Variants in EPHA5 observed in about 807,000 individuals in gnomAD.
EPHA5 encodes EPH receptor A5.
In EPHA5, 60 loss-of-function variants were observed where a neutral mutation model predicts 105.0. The observed-to-expected ratio is 0.57, with a 90% CI of 0.46 to 0.71. The LOEUF is 0.71. Among genes scored for constraint, EPHA5 ranks in the 30% least tolerant of loss-of-function variants. The pLI is 0.00. For synonymous variants in EPHA5, 513 were observed against 449.1 expected (o/e 1.14, Z -1.80); for missense variants, 1,218 against 1,274.7 (o/e 0.96, Z 0.68).
At chr4:65,489,873 G>T (rs1189447292) in intron 5 of EPHA5, among the ~76,000 whole-genome samples, 1 of 152,028 alleles carries the variant, frequency 6.6e-6, no homozygotes, top group African/African-American at 2.4e-5. Context: ...ACTTAGCAAA[G>T]AAAATTTCAT....
At chr4:65,367,262 T>G in intron 9 of EPHA5, 95 bp downstream of exon 9, 2 of 983,520 alleles carry the variant, frequency 2.0e-6, no homozygotes, top group Non-Finnish European at 3.0e-6. Flanking sequence ...AATATTTTGG[T>G]CAGTTATTAT....
intron 3 of EPHA5, among the ~76,000 whole-genome samples, chr4:65,535,746 A>T (rs903822016): frequency 2.6e-5 from 4 of 152,034 alleles, no homozygotes; most frequent in African/African-American, 9.7e-5. Context: ...CATTATATAC[A>T]AGAGAGAATA....
intron 4 of EPHA5, among the ~76,000 whole-genome samples, chr4:65,492,361 C>G (rs1459448630): frequency 6.6e-6 from 1 of 151,810 alleles, no homozygotes; most frequent in African/African-American, 2.4e-5. Flanking sequence ...ACCACCACAC[C>G]TGGCTAATTT....
In EPHA5 at chr4:65,495,501, C is replaced by G; in HGVS notation, c.953G>C (p.Ser318Thr). 1 of 1,613,870 alleles carries G rather than the reference C, an allele frequency of 6.2e-7. No homozygotes were observed. Among genetic ancestry groups the G allele is most frequent in the Non-Finnish European group, 8.5e-7 (1 of 1,179,840 alleles). Residue 318 changes from serine (S) to threonine (T), a missense_variant, in exon 4 of 17, where the codon AGC becomes ACC. Around this residue, in one of 3 missense-constraint regions of EPHA5, gnomAD observed 971 missense variants for 1,013.5 expected, o/e 0.96. Transcript: ENST00000613740. ...ACTGTGAGGTGGACATTTGCCGCAG[C>G]TCTGGATGTGAGGTGAGGCTTTGAA... ...GFFKASPHIQSCGKCPPHSYT... is the reference protein window; with the variant it reads ...GFFKASPHIQTCGKCPPHSYT...
intron 3 of EPHA5, among the ~76,000 whole-genome samples, chr4:65,567,231 C>T (rs1235716812): frequency 6.6e-6 from 1 of 151,616 alleles, no homozygotes; most frequent in Non-Finnish European, 1.5e-5. Context: ...AGTCAGCAAA[C>T]TTGGTAGATA....
At chr4:65,348,327 G>A (rs1022507917) in intron 13 of EPHA5, 124 bp from the exon 14 acceptor site, 18 of 791,408 alleles carry the variant, frequency 2.3e-5, no homozygotes, top group Middle Eastern at 2.5e-4. Context: ...TTGACAGCGC[G>A]CAGTGTCTTT....
chr4:65,666,377 C>T (rs2149561441), intron 1 of EPHA5, among the ~76,000 whole-genome samples: 1 of 152,202 alleles, frequency 6.6e-6, no homozygotes, highest in African/African-American at 2.4e-5. Context: ...AGTAATTGGC[C>T]AAGAATCCCT....
intron 3 of EPHA5, among the ~76,000 whole-genome samples, chr4:65,572,850 G>A (rs1740341991): frequency 6.6e-6 from 1 of 151,532 alleles, no homozygotes; most frequent in Non-Finnish European, 1.5e-5. Context: ...GGCCAACATA[G>A]CGAAACCCCG....
intron 3 of EPHA5, among the ~76,000 whole-genome samples, chr4:65,581,056 T>C (rs1741570510): frequency 6.6e-6 from 1 of 151,828 alleles, no homozygotes; most frequent in African/African-American, 2.4e-5. Flanking sequence ...AGAAACCTAA[T>C]TACTATCTTC....
Position 65,343,701 on chromosome 4 carries a change from A to G in EPHA5, c.2595+4353T>C, listed in dbSNP as rs189054902. 4.3e-3 allele frequency among the ~76,000 whole-genome samples: 656 copies of G among 152,324 alleles called. 7 individuals are homozygous for G. The highest frequency in any genetic ancestry group is 0.015 in the African/African-American group (631 of 41,578). ...AAATTTAATGCTGTATCTGAAAACT[A>G]AAATGCCACTTATGAACTAATTGAG... On this transcript the variant is annotated intron_variant, in intron 14 of 16. Transcript: ENST00000613740.
At chr4:65,488,497 A>G (rs2149207072) in intron 5 of EPHA5, among the ~76,000 whole-genome samples, 1 of 152,334 alleles carries the variant, frequency 6.6e-6, no homozygotes, top group African/African-American at 2.4e-5. Context: ...GTTCACATTT[A>G]CCGAACACTC....
At chr4:65,634,152 T>C (rs1746898582) in intron 2 of EPHA5, among the ~76,000 whole-genome samples, 1 of 152,040 alleles carries the variant, frequency 6.6e-6, no homozygotes, top group East Asian at 1.9e-4. Context: ...TAAGATGATA[T>C]TATGGATAAA....
chr4:65,457,462 T>C (rs1727708598), intron 5 of EPHA5, among the ~76,000 whole-genome samples: 1 of 152,154 alleles, frequency 6.6e-6, no homozygotes, highest in Non-Finnish European at 1.5e-5. Flanking sequence ...TAATTCCTTT[T>C]CCCCTATTCT....
intron 5 of EPHA5, among the ~76,000 whole-genome samples, chr4:65,484,573 C>G (rs1281747154): frequency 6.6e-6 from 1 of 152,076 alleles, no homozygotes; most frequent in African/African-American, 2.4e-5. Context: ...AGAGTCTGAG[C>G]CTACATTCAA....
At chr4:65,476,121 A>T (rs771292185) in intron 5 of EPHA5, among the ~76,000 whole-genome samples, 12,925 of 131,972 alleles carry the variant, frequency 0.098, 641 homozygotes, top group East Asian at 0.18. Flanking sequence ...AGAGAGAGAG[A>T]GAGAGAGTGT....
chr4:65,587,206 G>C (rs1489490420), intron 3 of EPHA5, among the ~76,000 whole-genome samples: 2 of 151,956 alleles, frequency 1.3e-5, no homozygotes, highest in Non-Finnish European at 2.9e-5. Flanking sequence ...CTTCTTTACT[G>C]TGGAAATGAA....
chr4:65,326,752 A>G (rs1223576911), intron 16 of EPHA5, among the ~76,000 whole-genome samples: 1 of 151,342 alleles, frequency 6.6e-6, no homozygotes, highest in Admixed American at 6.6e-5. Context: ...AGAAATACTG[A>G]TGAATCCAGA....
At chr4:65,572,586 AG>A (rs1740304374) in intron 3 of EPHA5, among the ~76,000 whole-genome samples, 1 of 152,230 alleles carries the variant, frequency 6.6e-6, no homozygotes, top group South Asian at 2.1e-4. Flanking sequence ...CTAGCTGAAA[AG>A]TTTGTATAGC....
intron 5 of EPHA5, among the ~76,000 whole-genome samples, chr4:65,443,905 C>CTGTGTGTGTGTGTGTGTGTGTGTGTGTG (rs57129731): frequency 6.7e-6 from 1 of 149,942 alleles, no homozygotes; most frequent in Admixed American, 6.7e-5. Context: ...GTTTGTGTGC[C>CTGTGTGTGTGTGTGTGTGTGTGTGTGTG]TGTGTGTGTG....
Sources: allele counts gnomAD v4.1 joint callset (sites outside exome capture counted in the v4.1 genomes callset), GRCh38; gene constraint gnomAD v4.1.1; regional missense constraint gnomAD v4.1.1; transcripts MANE v1.5; gene names NCBI Gene and HGNC (gene_info 2026-07-23, HGNC 2026-07-21).